Variants in CTTNBP2NL observed in about 807,000 individuals in gnomAD.
The protein encoded by CTTNBP2NL is CTTNBP2 N-terminal like.
CTTNBP2NL carries 16 observed loss-of-function variants against 32.5 expected under a neutral mutation model. That is an observed-to-expected ratio of 0.49 (90% CI 0.33 to 0.75). The LOEUF (loss-of-function observed/expected upper bound fraction) is 0.75, where lower values mean the gene tolerates loss of function less well. Ranked by LOEUF, CTTNBP2NL falls within the 30% of genes least tolerant of loss-of-function variation. The probability of loss-of-function intolerance (pLI) is 0.02; values close to 1 mark genes in which losing one functional copy is unlikely to be tolerated. For synonymous variants in CTTNBP2NL, 298 were observed against 289.4 expected (o/e 1.03, Z -0.30); for missense variants, 645 against 756.0 (o/e 0.85, Z 1.72).
At chr1:112,433,516 C>T (rs1389112094) in intron 3 of CTTNBP2NL, among the ~76,000 whole-genome samples, 6 of 152,104 alleles carry the variant, frequency 3.9e-5, no homozygotes, top group Admixed American at 2.0e-4. Context: ...GGCTTAAACC[C>T]GGGAGGCACA....
At chr1:112,429,321 G>A (rs1348576610) in intron 3 of CTTNBP2NL, among the ~76,000 whole-genome samples, 1 of 152,242 alleles carries the variant, frequency 6.6e-6, no homozygotes, top group Non-Finnish European at 1.5e-5. Context: ...GTCCTCAACT[G>A]GTTAAGGAGA....
intron 1 of CTTNBP2NL, among the ~76,000 whole-genome samples, chr1:112,397,399 G>T (rs1029786213): frequency 6.6e-6 from 1 of 152,064 alleles, no homozygotes; most frequent in African/African-American, 2.4e-5. Context: ...ATGTCCTTTG[G>T]TAACTCTCTA....
Position 112,402,553 on chromosome 1 carries a change from AAAAG to A in CTTNBP2NL, c.-134+6288_-134+6291del, listed in dbSNP as rs373926622. ...GATAACTGACAGGTAAGTTATAGGA[AAAAG>A]AAAGAAGCACAAACTGGGTTTTTTG... On this transcript the variant is annotated intron_variant, in intron 1 of 5. Coordinates refer to ENST00000271277, the MANE Select transcript of CTTNBP2NL (RefSeq NM_018704.3). Among the ~76,000 whole-genome samples the A allele has an allele frequency of 1.9e-3, 290 of 152,340 alleles. 2 individuals are homozygous for A. Among genetic ancestry groups the A allele is most frequent in the African/African-American group, 6.4e-3 (266 of 41,590 alleles).
chr1:112,459,770 T>A lies in CTTNBP2NL; in HGVS notation c.*2358T>A, dbSNP rs1650492599. ...TTGTCTCTTTTGCTTTAAATGGTAA[T>A]CTTAAAAGTTGCATTGTGCTCTTCC... On this transcript the variant is annotated 3_prime_UTR_variant, in exon 6 of 6. Transcript: ENST00000271277. 1 of 152,202 alleles carries A rather than the reference T, an allele frequency of 6.6e-6. No homozygotes were observed. Among genetic ancestry groups the A allele is most frequent in the South Asian group, 2.1e-4 (1 of 4,832 alleles). 9.4% of individuals were successfully genotyped at this position (152,202 alleles called of 1,614,324 possible). A position where few individuals can be genotyped will look rare whatever the true frequency, so the allele number is the denominator to read the frequency against.
chr1:112,448,750 A>G (rs1650126050), intron 3 of CTTNBP2NL, among the ~76,000 whole-genome samples, 192 bp from the exon 4 acceptor site: 1 of 152,230 alleles, frequency 6.6e-6, no homozygotes, highest in Non-Finnish European at 1.5e-5. Context: ...GTGCTTTATA[A>G]GTATTTGTTC....
intron 3 of CTTNBP2NL, among the ~76,000 whole-genome samples, chr1:112,430,644 C>G (rs981312087): frequency 1.3e-4 from 20 of 150,494 alleles, no homozygotes; most frequent in African/African-American, 4.9e-4. Context: ...ACCCCTTCCT[C>G]CTGGGTTCAA....
upstream of CTTNBP2NL, among the ~76,000 whole-genome samples, chr1:112,395,975 G>C (rs895232286): frequency 2.0e-5 from 3 of 152,246 alleles, no homozygotes; most frequent in Admixed American, 1.3e-4. Context: ...AGGGGCGCGA[G>C]CCCACCCTGA....
chr1:112,415,855 C>T (rs1238065493), intron 2 of CTTNBP2NL: 2 of 309,872 alleles, frequency 6.5e-6, no homozygotes, highest in African/African-American at 4.6e-5. Context: ...GCACCCAGCC[C>T]TAGCGGCTAA....
intron 3 of CTTNBP2NL, among the ~76,000 whole-genome samples, chr1:112,444,394 T>C (rs1649977674): frequency 6.6e-6 from 1 of 152,218 alleles, no homozygotes. Flanking sequence ...AGAGCAAGTA[T>C]GGCCGACTCT....
chr1:112,426,708 A>G (rs1179884522), intron 3 of CTTNBP2NL, among the ~76,000 whole-genome samples: 1 of 151,128 alleles, frequency 6.6e-6, no homozygotes, highest in Non-Finnish European at 1.5e-5. Flanking sequence ...CTGGATTCAA[A>G]TGATTCTCCT....
At chr1:112,435,313 T>C (rs1228230489) in intron 3 of CTTNBP2NL, among the ~76,000 whole-genome samples, 1 of 152,112 alleles carries the variant, frequency 6.6e-6, no homozygotes, top group Non-Finnish European at 1.5e-5. Flanking sequence ...TTACTTTCTT[T>C]ATGTTTATTA....
intron 3 of CTTNBP2NL, among the ~76,000 whole-genome samples, chr1:112,430,214 T>TTCTTGTCTTTTCTTG (rs1334326709): frequency 2.6e-3 from 105 of 41,080 alleles, no homozygotes; most frequent in African/African-American, 4.2e-3. Flanking sequence ...TTCTTTTCTT[T>TTCTTGTCTTTTCTTG]TCTTTTCTTG....
intron 3 of CTTNBP2NL, among the ~76,000 whole-genome samples, chr1:112,445,868 G>T (rs1225114520): frequency 6.6e-6 from 1 of 152,172 alleles, no homozygotes; most frequent in Non-Finnish European, 1.5e-5. Flanking sequence ...ACTCAAACCA[G>T]AGAGACAGCT....
intron 1 of CTTNBP2NL, among the ~76,000 whole-genome samples, chr1:112,410,277 A>G (rs1229723651): frequency 1.3e-5 from 2 of 152,014 alleles, no homozygotes; most frequent in Admixed American, 1.3e-4. Flanking sequence ...CTATAATCTC[A>G]GCTACTCAGA....
intron 3 of CTTNBP2NL, among the ~76,000 whole-genome samples, chr1:112,438,754 G>T (rs934020585): frequency 3.9e-5 from 6 of 152,078 alleles, no homozygotes; most frequent in Non-Finnish European, 7.3e-5. Context: ...GGATTACTTG[G>T]ACCTAACAGT....
intron 1 of CTTNBP2NL, among the ~76,000 whole-genome samples, chr1:112,403,145 A>G (rs191675326): frequency 2.0e-5 from 3 of 152,304 alleles, no homozygotes; most frequent in South Asian, 2.1e-4. Flanking sequence ...TCTTATTGCT[A>G]CCATCCTAGT....
In CTTNBP2NL at chr1:112,460,905, ATGTGTG is replaced by A. The variant is rs1204509267; in HGVS notation, c.*3504_*3509del. ...TGTCAATTTGTGTGTGTGTGTGTGT[ATGTGTG>A]TGTGTGTGTGAATTCATAAGGAGTG... On this transcript the variant is annotated 3_prime_UTR_variant, in exon 6 of 6. Transcript: ENST00000271277. The A allele has an allele frequency of 6.7e-6, 1 of 149,684 alleles. No individual in the cohort carries two copies. Among genetic ancestry groups the A allele is most frequent in the South Asian group, 2.1e-4 (1 of 4,730 alleles). The allele number at this position is 149,684 out of a possible 1,614,324, so 9.3% of individuals were successfully genotyped here.
chr1:112,428,867 T>C (rs759507272), intron 3 of CTTNBP2NL, among the ~76,000 whole-genome samples: 1 of 152,198 alleles, frequency 6.6e-6, no homozygotes, highest in Non-Finnish European at 1.5e-5. Flanking sequence ...TGAAAAACAT[T>C]AGTCTAAAGC....
At chr1:112,397,728 T>G (rs1648373051) in intron 1 of CTTNBP2NL, among the ~76,000 whole-genome samples, 1 of 152,194 alleles carries the variant, frequency 6.6e-6, no homozygotes, top group South Asian at 2.1e-4. Flanking sequence ...ATTTACCATG[T>G]TTTTAGCATA....
Sources: allele counts gnomAD v4.1 joint callset (sites outside exome capture counted in the v4.1 genomes callset), GRCh38; gene constraint gnomAD v4.1.1; transcripts MANE v1.5; gene names NCBI Gene and HGNC (gene_info 2026-07-23, HGNC 2026-07-21).